GGTLC2: variants seen among roughly 807,000 people sequenced by gnomAD.
GGTLC2 encodes glutathione hydrolase light chain 2.
GGTLC2 carries 13 observed loss-of-function variants against 20.2 expected under a neutral mutation model. The observed-to-expected ratio is 0.64, with a 90% CI of 0.42 to 1.02. The LOEUF is 1.02. Among genes scored for constraint, GGTLC2 ranks in the 50% least tolerant of loss-of-function variants. The pLI, the probability that GGTLC2 is intolerant of heterozygous loss-of-function variation, is 0.00. For synonymous variants in GGTLC2, 89 were observed against 125.5 expected, an observed-to-expected ratio of 0.71 and a Z score of 1.94; for missense variants, 202 against 301.3, an observed-to-expected ratio of 0.67 and a Z score of 2.44.
rs563915164 is a variant in GGTLC2, at chr22:22,647,828, C to G, written c.*87C>G. Reference sequence around the variant, plus strand: ...AGGGGACTCTGGGGGACTGGCTTCCCCTGTGAGCAGCAGAGCAGCACAATA... The same window carrying G: ...AGGGGACTCTGGGGGACTGGCTTCCGCTGTGAGCAGCAGAGCAGCACAATA... On this transcript the variant is annotated 3_prime_UTR_variant, in exon 6 of 6. Transcript: ENST00000448514. 52 of 1,592,346 alleles carry G rather than the reference C, an allele frequency of 3.3e-5. No homozygotes were observed. The South Asian group carries it at 4.8e-4, about 15-fold the overall frequency.
At chr22:22,645,617 A>T (rs933485260) in intron 1 of GGTLC2, among the ~76,000 whole-genome samples, 2 of 150,692 alleles carry the variant, frequency 1.3e-5, no homozygotes, top group Non-Finnish European at 3.0e-5. Context: ...TCCCCGTCAT[A>T]GCTGCCAGAG....
intron 3 of GGTLC2, 45 bp from the exon 4 acceptor site, chr22:22,646,938 G>A (rs373111918): frequency 7.2e-5 from 116 of 1,611,854 alleles, no homozygotes; most frequent in East Asian, 3.6e-4. Flanking sequence ...GGGTGTCCTG[G>A]GCAGGCAGCT....
chr22:22,647,010 C>G lies in GGTLC2; in HGVS notation c.332C>G (p.Pro111Arg), dbSNP rs760624506. The change falls in exon 4 of 6, where the codon CCG (proline) becomes CGG (arginine). Residue 111 changes from proline (P) to arginine (R), a missense_variant. Transcript: ENST00000448514. Reference protein sequence around the residue: ...PGKQPLSSMCPTIMVGQDGQP... With the variant: ...PGKQPLSSMCRTIMVGQDGQP... Reference sequence around the variant, plus strand: ...AAGCAGCCGCTCTCGTCAATGTGCCCGACGATCATGGTGGGCCAGGACGGC... The same window carrying G: ...AAGCAGCCGCTCTCGTCAATGTGCCGGACGATCATGGTGGGCCAGGACGGC... The G allele has an allele frequency of 6.2e-7, 1 of 1,611,612 alleles. No homozygotes were observed. The highest frequency in any genetic ancestry group is 2.2e-5 in the East Asian group (1 of 44,754).
At chr22:22,646,559 G>A (rs1157011594) in intron 2 of GGTLC2, 38 bp downstream of exon 2, 2 of 1,445,746 alleles carry the variant, frequency 1.4e-6, no homozygotes, top group African/African-American at 2.8e-5. Context: ...GAAAGGGCCA[G>A]GGGCGGGTGG....
intron 1 of GGTLC2, among the ~76,000 whole-genome samples, chr22:22,644,952 C>T (rs574409729): frequency 2.6e-5 from 3 of 116,356 alleles, no homozygotes; most frequent in Non-Finnish European, 5.0e-5. Context: ...TTCCAGTGGC[C>T]TGATCTCTGG....
At chr22:22,644,953 T>C (rs1439350006) in intron 1 of GGTLC2, among the ~76,000 whole-genome samples, 4 of 119,586 alleles carry the variant, frequency 3.3e-5, no homozygotes, top group Non-Finnish European at 6.6e-5. Flanking sequence ...TCCAGTGGCC[T>C]GATCTCTGGG....
chr22:22,646,202 C>G (rs2064074808), intron 1 of GGTLC2, 110 bp from the exon 2 acceptor site: 1 of 1,385,410 alleles, frequency 7.2e-7, no homozygotes, highest in Non-Finnish European at 9.8e-7. Context: ...GCCCTTGGGT[C>G]CTGGGGAGCC....
chr22:22,645,134 CG>C (rs201645454), intron 1 of GGTLC2, among the ~76,000 whole-genome samples: 105,745 of 148,104 alleles, frequency 0.71, 38,117 homozygotes, highest in East Asian at 0.95. Flanking sequence ...CGTCATGATC[CG>C]CCCTCCCAAA....
rs377690187 is a variant in GGTLC2, at chr22:22,646,972, A to G, written c.305-11A>G. The stretch of plus-strand genomic sequence containing the variant: ...CTGACGGGCATCCCTGTCTTCTCCC[A>G]TCGGCCACAGGGAAGCAGCCGCTCT... On this transcript the variant is annotated splice_polypyrimidine_tract_variant and intron_variant, in intron 3 of 5. Transcript: ENST00000448514. 2.9e-5 allele frequency: 47 copies of G among 1,611,620 alleles called. No individual in the cohort carries two copies. In the African/African-American group the frequency reaches 4.8e-4, roughly 16 times the overall value.
At chr22:22,646,960 C>T (rs775471184) in intron 3 of GGTLC2, 23 bp from the exon 4 acceptor site, 1 of 1,611,730 alleles carries the variant, frequency 6.2e-7, no homozygotes, top group South Asian at 1.1e-5. Context: ...ACGGGCATCC[C>T]TGTCTTCTCC....
Position 22,647,123 on chromosome 22 carries a change from C to T in GGTLC2, c.361-18C>T, listed in dbSNP as rs143769128. 2.1e-5 allele frequency: 34 copies of T among 1,611,544 alleles called. No homozygotes were observed. Among genetic ancestry groups the T allele is most frequent in the Admixed American group, 3.3e-5 (2 of 59,958 alleles). ...ATGTGTCACCCCTTTTCTCCCTGGC[C>T]GTGCCCACCCTGCACAGCCCCCAAG... On this transcript the variant is annotated intron_variant, in intron 4 of 5. Transcript: ENST00000448514.
intron 5 of GGTLC2, 81 bp downstream of exon 5, chr22:22,647,371 T>C (rs1278730410): frequency 5.0e-6 from 8 of 1,605,770 alleles, no homozygotes. Context: ...CATCACAGAG[T>C]GGACAATTGT....
intron 1 of GGTLC2, among the ~76,000 whole-genome samples, 200 bp downstream of exon 1, chr22:22,644,908 T>TTTTA (rs2063992663): frequency 1.0e-5 from 1 of 97,974 alleles, no homozygotes; most frequent in African/African-American, 4.6e-5. Context: ...TTTTTTTTTT[T>TTTTA]GAGATGGAGT....
At chr22:22,646,682 G>C in intron 2 of GGTLC2, 72 bp from the exon 3 acceptor site, 1 of 1,577,040 alleles carries the variant, frequency 6.3e-7, no homozygotes, top group Non-Finnish European at 8.6e-7. Context: ...GTATGTTTGA[G>C]CCTCAGTGGG....
Position 22,646,975 on chromosome 22 carries a change from G to T in GGTLC2, c.305-8G>T. 6.2e-7 allele frequency: 1 copy of T among 1,611,638 alleles called. No individual in the cohort carries two copies. Among genetic ancestry groups the T allele is most frequent in the Non-Finnish European group, 8.5e-7 (1 of 1,179,776 alleles). On this transcript the variant is annotated splice_region_variant and splice_polypyrimidine_tract_variant and intron_variant, in intron 3 of 5. Transcript: ENST00000448514. Reference sequence around the variant, plus strand: ...ACGGGCATCCCTGTCTTCTCCCATCGGCCACAGGGAAGCAGCCGCTCTCGT... The same window carrying T: ...ACGGGCATCCCTGTCTTCTCCCATCTGCCACAGGGAAGCAGCCGCTCTCGT...
In GGTLC2 at chr22:22,646,847, G is replaced by A. The variant is rs1424150548; in HGVS notation, c.270G>A (p.Gly90=). Residue 90 remains glycine, a synonymous_variant, in exon 3 of 6, where the codon GGG becomes GGA. Coordinates refer to ENST00000448514, the MANE Select transcript of GGTLC2 (RefSeq NM_199127.3). ...CTCCCAACATCACCAACGAGTTTGG[G>A]GTGCCCCCCTCACCTGCCAATTTCA... The part of the protein sequence containing the change: ...FSSPNITNEF[G]VPPSPANFIQ... The A allele has an allele frequency of 5.0e-6, 8 of 1,613,396 alleles. No homozygotes were observed. In the South Asian group the frequency reaches 8.8e-5, roughly 18 times the overall value.
chr22:22,646,928 G>A lies in GGTLC2; in HGVS notation c.304+47G>A, dbSNP rs755403234. 31 of 1,612,066 alleles carry A rather than the reference G, an allele frequency of 1.9e-5. 1 individual carries two copies. Among genetic ancestry groups the A allele is most frequent in the East Asian group, 4.5e-5 (2 of 44,764 alleles). On this transcript the variant is annotated intron_variant, in intron 3 of 5. Transcript: ENST00000448514. ...ATGGGGGACTGGGGTGGAGAGGGGC[G>A]GGTGTCCTGGGCAGGCAGCTGACGG...
intron 1 of GGTLC2, among the ~76,000 whole-genome samples, chr22:22,645,248 G>C (rs1046219906): frequency 6.6e-6 from 1 of 150,986 alleles, no homozygotes; most frequent in African/African-American, 2.4e-5. Flanking sequence ...TTCGGCCTTC[G>C]GGTCCATCCT....
chr22:22,647,201 G>A lies in GGTLC2; in HGVS notation c.421G>A (p.Gly141Ser), dbSNP rs768865213. 2.9e-5 allele frequency: 46 copies of A among 1,611,350 alleles called. No homozygotes were observed. Among genetic ancestry groups the A allele is most frequent in the Admixed American group, 1.0e-4 (6 of 59,944 alleles). Residue 141 changes from glycine (G) to serine (S), a missense_variant, in exon 5 of 6, where the codon GGC becomes AGC. By Grantham distance (56) the Gly-to-Ser change is moderately conservative (BLOSUM62 0). This residue lies in a region of GGTLC2 where 65 missense variants were observed against 87.5 expected (regional missense o/e 0.74). Coordinates refer to ENST00000448514, the MANE Select transcript of GGTLC2 (RefSeq NM_199127.3). Reference sequence around the variant, plus strand: ...GGCCATCATCTACAACCTCTGGTTCGGCTATGACGTGAAGCGGGCCGTGGA... The same window carrying A: ...GGCCATCATCTACAACCTCTGGTTCAGCTATGACGTGAAGCGGGCCGTGGA... ...PQAIIYNLWF[G>S]YDVKRAVEEP...
Sources: allele counts gnomAD v4.1 joint callset (sites outside exome capture counted in the v4.1 genomes callset), GRCh38; gene constraint gnomAD v4.1.1; regional missense constraint gnomAD v4.1.1; transcripts MANE v1.5; gene names NCBI Gene and HGNC (gene_info 2026-07-23, HGNC 2026-07-21).